DMTF1: variants seen among roughly 807,000 people sequenced by gnomAD.
DMTF1 encodes cyclin D binding myb like transcription factor 1, also known as cyclin-D-binding Myb-like transcription factor 1.
In DMTF1, 39 loss-of-function variants were observed where a neutral mutation model predicts 91.1. The observed-to-expected ratio is 0.43, with a 90% CI of 0.33 to 0.56. The LOEUF is 0.56. Ranked by LOEUF, DMTF1 falls within the 20% of genes least tolerant of loss-of-function variation. DMTF1 has a pLI of 0.05. For missense variants in DMTF1, 750 were observed against 914.5 expected, an observed-to-expected ratio of 0.82 and a Z score of 2.32; for synonymous variants, 338 against 309.5, an observed-to-expected ratio of 1.09 and a Z score of -0.97.
At chr7:87,166,713 C>A (rs1253387407) in intron 4 of DMTF1, 108 bp downstream of exon 4, 4 of 1,105,226 alleles carry the variant, frequency 3.6e-6, no homozygotes, top group Non-Finnish European at 5.3e-6. Flanking sequence ...CTGCTTTTTT[C>A]TTCATTTAGT....
chr7:87,174,191 A>G (rs1256863349), intron 6 of DMTF1, among the ~76,000 whole-genome samples: 1 of 152,244 alleles, frequency 6.6e-6, no homozygotes, highest in Admixed American at 6.5e-5. Flanking sequence ...TTGATATTCA[A>G]TATTTACCTT....
At chr7:87,188,356 T>G in intron 13 of DMTF1, 55 bp downstream of exon 13, 1 of 1,565,988 alleles carries the variant, frequency 6.4e-7, no homozygotes, top group South Asian at 1.1e-5. Context: ...ATTTGGTTAA[T>G]GGCTCTGATG....
intron 1 of DMTF1, among the ~76,000 whole-genome samples, chr7:87,158,237 G>T (rs1382714434): frequency 1.3e-5 from 2 of 151,862 alleles, no homozygotes; most frequent in Non-Finnish European, 2.9e-5. Context: ...AATAATAAAC[G>T]TTCCAATGTA....
chr7:87,171,245 G>T (rs1795005759), intron 5 of DMTF1, among the ~76,000 whole-genome samples, 156 bp downstream of exon 5: 1 of 152,016 alleles, frequency 6.6e-6, no homozygotes, highest in Non-Finnish European at 1.5e-5. Context: ...AAATTACAAA[G>T]TTTTTTTGTT....
At chr7:87,161,835 AT>A (rs1278611699) in intron 1 of DMTF1, among the ~76,000 whole-genome samples, 2 of 152,234 alleles carry the variant, frequency 1.3e-5, no homozygotes, top group African/African-American at 4.8e-5. Flanking sequence ...TATTGGCAAG[AT>A]TACCAAGAGT....
rs1190824914 is a variant in DMTF1 at position 87,194,749 on chromosome 7, C to T, written c.2094C>T (p.Ile698=). Residue 698 remains isoleucine (I), a synonymous_variant, in exon 17 of 18, where the codon ATC becomes ATT. Coordinates refer to ENST00000331242, the MANE Select transcript of DMTF1 (RefSeq NM_001142327.2). Reference sequence around the variant, plus strand: ...CAATTGATGATGAAACAATACTTATCGTTCCTTCACCACATGGCTTTATCC... The same window carrying T: ...CAATTGATGATGAAACAATACTTATTGTTCCTTCACCACATGGCTTTATCC... ...DQTIDDETIL[I]VPSPHGFIQA... The T allele has an allele frequency of 3.7e-6, 6 of 1,610,792 alleles. No individual in the cohort carries two copies. The highest frequency in any genetic ancestry group is 1.7e-5 in the Admixed American group (1 of 59,836).
chr7:87,177,875 G>C (rs973935558), intron 7 of DMTF1, among the ~76,000 whole-genome samples: 1 of 151,990 alleles, frequency 6.6e-6, no homozygotes, highest in African/African-American at 2.4e-5. Context: ...TTTAGGTTCT[G>C]TTTGTTGATA....
chr7:87,179,760 C>A, intron 8 of DMTF1, 58 bp downstream of exon 8: 1 of 1,469,878 alleles, frequency 6.8e-7, no homozygotes, highest in Non-Finnish European at 9.1e-7. Flanking sequence ...ATTTGAGGAA[C>A]TGTCCATTTT....
intron 1 of DMTF1, among the ~76,000 whole-genome samples, chr7:87,154,727 A>C (rs955988455): frequency 6.6e-6 from 1 of 152,222 alleles, no homozygotes; most frequent in South Asian, 2.1e-4. Context: ...GGAGACTCAT[A>C]TCAAAAGTAG....
rs545845213 is a variant in DMTF1, at chr7:87,163,063, A to G, written c.-131-432A>G. The G allele has an allele frequency of 3.9e-5, 6 of 152,062 alleles. No homozygotes were observed. In the South Asian group the frequency reaches 1.0e-3, roughly 26 times the overall value. 9.4% of individuals were successfully genotyped at this position (152,062 alleles called of 1,614,324 possible). Reference sequence around the variant, plus strand: ...TGAATAGGGTACTATATAATTTTTAATGCTTTAAGATAAAACATAAAGAGG... The same window carrying G: ...TGAATAGGGTACTATATAATTTTTAGTGCTTTAAGATAAAACATAAAGAGG... On this transcript the variant is annotated intron_variant, in intron 1 of 17. Coordinates refer to ENST00000331242, the MANE Select transcript of DMTF1 (RefSeq NM_001142327.2).
chr7:87,195,023 C>T lies in DMTF1; in HGVS notation c.2174-8C>T, dbSNP rs1465615162. ...ATACATTTAAGACTAACTTGAAACTCATTACAGATCCCATACTCCAACATC... is the reference window on the plus strand; with the variant it reads ...ATACATTTAAGACTAACTTGAAACTTATTACAGATCCCATACTCCAACATC... On this transcript the variant is annotated splice_region_variant and splice_polypyrimidine_tract_variant and intron_variant, in intron 17 of 17. Transcript: ENST00000331242. 3.1e-6 allele frequency: 5 copies of T among 1,598,736 alleles called. No homozygotes were observed. The highest frequency in any genetic ancestry group is 4.5e-5 in the East Asian group (2 of 44,746).
At chr7:87,154,969 A>T (rs1399802048) in intron 1 of DMTF1, among the ~76,000 whole-genome samples, 2 of 152,194 alleles carry the variant, frequency 1.3e-5, no homozygotes, top group Admixed American at 6.5e-5. Context: ...TACAGACTCT[A>T]ATTTTTATTA....
chr7:87,182,622 C>T (rs1797608696), intron 10 of DMTF1, among the ~76,000 whole-genome samples: 1 of 152,160 alleles, frequency 6.6e-6, no homozygotes, highest in African/African-American at 2.4e-5. Flanking sequence ...AATACTTCCC[C>T]AGTTGAGAAA....
chr7:87,179,354 C>G (rs549784915), intron 7 of DMTF1, among the ~76,000 whole-genome samples, 191 bp from the exon 8 acceptor site: 2 of 152,024 alleles, frequency 1.3e-5, no homozygotes, highest in Non-Finnish European at 2.9e-5. Context: ...ATTCTTGGAA[C>G]ATTTAAGTGT....
Position 87,171,055 on chromosome 7 carries a change from A to C in DMTF1, c.293A>C (p.Asp98Ala), listed in dbSNP as rs1794956850. 1 of 1,612,160 alleles carries C rather than the reference A, an allele frequency of 6.2e-7. No homozygotes were observed. The highest frequency in any genetic ancestry group is 1.3e-5 in the African/African-American group (1 of 74,972). The change falls in exon 5 of 18, where the codon GAT becomes GCT. Residue 98 changes from aspartate to alanine, a missense_variant. Physicochemically the swap from Asp to Ala is moderately radical, Grantham distance 126. This residue lies in a region of DMTF1 where 150 missense variants were observed against 150.4 expected (regional missense o/e 1.00). Coordinates refer to ENST00000331242, the MANE Select transcript of DMTF1 (RefSeq NM_001142327.2). Reference protein sequence around the residue: ...TMTATTEVADDEVTEGTVTQI... With the variant: ...TMTATTEVADAEVTEGTVTQI... Reference sequence around the variant, plus strand: ...ACTGCAACCACAGAAGTAGCAGATGATGAGGTTACTGAGGGGACTGTGACA... The same window carrying C: ...ACTGCAACCACAGAAGTAGCAGATGCTGAGGTTACTGAGGGGACTGTGACA...
At position 87,195,766 on chromosome 7, in the gene DMTF1, G is replaced by T. The variant is rs1801104615; in HGVS notation, c.*626G>T. ...ACAGGTTTTTTGTTACTTTTAAAGG[G>T]AATATGGATAAGCATAGTAACAAAA... On this transcript the variant is annotated 3_prime_UTR_variant, in exon 18 of 18. Transcript: ENST00000331242. The T allele has an allele frequency of 6.6e-6, 1 of 152,404 alleles. No homozygotes were observed. 9.4% of individuals were successfully genotyped at this position (152,404 alleles called of 1,614,324 possible). A position where few individuals can be genotyped will look rare whatever the true frequency, so the allele number is the denominator to read the frequency against.
At chr7:87,162,193 C>T (rs1792615719) in intron 1 of DMTF1, among the ~76,000 whole-genome samples, 1 of 152,156 alleles carries the variant, frequency 6.6e-6, no homozygotes, top group South Asian at 2.1e-4. Flanking sequence ...CCCACCTCAG[C>T]CTCCAGAGTA....
chr7:87,175,645 G>A (rs982195533), intron 7 of DMTF1, among the ~76,000 whole-genome samples: 4 of 152,174 alleles, frequency 2.6e-5, no homozygotes, highest in African/African-American at 9.7e-5. Flanking sequence ...AGCAGTTATG[G>A]AAAATTTTGG....
chr7:87,166,803 T>G (rs767309487), intron 4 of DMTF1, among the ~76,000 whole-genome samples, 198 bp downstream of exon 4: 1 of 152,214 alleles, frequency 6.6e-6, no homozygotes, highest in South Asian at 2.1e-4. Context: ...TTGCCTACTT[T>G]AATCTTCCCA....
Sources: gnomAD v4.1 joint callset for allele counts (sites outside exome capture counted in the v4.1 genomes callset) on GRCh38, gnomAD v4.1.1 for gene constraint, gnomAD v4.1.1 regional missense constraint, MANE v1.5 for transcripts, NCBI Gene and HGNC (gene_info 2026-07-23, HGNC 2026-07-21) for gene names.